The following L3MBTL4 variants were observed in gnomAD, a reference collection of about 807,000 sequenced individuals.
L3MBTL4 encodes the protein lethal(3)malignant brain tumor-like protein 4.
In L3MBTL4, 70 loss-of-function variants were observed where a neutral mutation model predicts 84.5. The ratio of observed to expected loss-of-function variants is 0.83; its 90% confidence interval spans 0.68 to 1.01. The LOEUF (loss-of-function observed/expected upper bound fraction) is 1.01, where lower values mean the gene tolerates loss of function less well. Among genes scored for constraint, L3MBTL4 ranks in the 50% least tolerant of loss-of-function variants. L3MBTL4 has a pLI of 0.00. For missense variants in L3MBTL4, 715 were observed against 754.8 expected (o/e 0.95, Z 0.62); for synonymous variants, 274 against 259.8 (o/e 1.05, Z -0.52).
chr18:6,033,106 G>A (rs2055919730), intron 16 of L3MBTL4, among the ~76,000 whole-genome samples: 1 of 152,052 alleles, frequency 6.6e-6, no homozygotes, highest in Non-Finnish European at 1.5e-5. Flanking sequence ...CCATATAACT[G>A]TCTACTTCTC....
At chr18:6,337,910 A>C (rs1200225364) in intron 1 of L3MBTL4, among the ~76,000 whole-genome samples, 3 of 152,106 alleles carry the variant, frequency 2.0e-5, no homozygotes, top group Non-Finnish European at 4.4e-5. Context: ...AGGAAGGAGA[A>C]GGGAATACAT....
intron 14 of L3MBTL4, among the ~76,000 whole-genome samples, chr18:6,094,612 G>T (rs2058570441): frequency 6.6e-6 from 1 of 152,068 alleles, no homozygotes; most frequent in Non-Finnish European, 1.5e-5. Flanking sequence ...CTATGAATTT[G>T]CTGATACATA....
chr18:6,206,349 A>C (rs1412637811), intron 12 of L3MBTL4, among the ~76,000 whole-genome samples: 1 of 152,236 alleles, frequency 6.6e-6, no homozygotes, highest in Non-Finnish European at 1.5e-5. Context: ...TTATTTAAGA[A>C]GTTTCTACAC....
intron 16 of L3MBTL4, among the ~76,000 whole-genome samples, chr18:6,051,367 C>T (rs535514118): frequency 1.1e-4 from 16 of 152,160 alleles, no homozygotes; most frequent in Non-Finnish European, 1.6e-4. Flanking sequence ...GGTGAAACCC[C>T]GTCTCTACTA....
chr18:6,016,860 G>A (rs569214492), intron 16 of L3MBTL4, among the ~76,000 whole-genome samples: 3 of 152,334 alleles, frequency 2.0e-5, no homozygotes, highest in East Asian at 3.9e-4. Flanking sequence ...CAGAGGGCAG[G>A]GGTGCAGCAG....
chr18:6,202,690 A>G (rs1452435952), intron 12 of L3MBTL4, among the ~76,000 whole-genome samples: 1 of 152,122 alleles, frequency 6.6e-6, no homozygotes, highest in Non-Finnish European at 1.5e-5. Context: ...AGATGGGTAG[A>G]CTGTAAGAAT....
chr18:6,188,692 A>C (rs1338617896), intron 12 of L3MBTL4, among the ~76,000 whole-genome samples: 1 of 152,178 alleles, frequency 6.6e-6, no homozygotes, highest in African/African-American at 2.4e-5. Flanking sequence ...AGTTTTCAGA[A>C]GCCATAGGGG....
chr18:6,298,725 T>A (rs138120370), intron 4 of L3MBTL4, among the ~76,000 whole-genome samples: 1 of 151,920 alleles, frequency 6.6e-6, no homozygotes, highest in Non-Finnish European at 1.5e-5. Context: ...ATACAAAAAA[T>A]TAGCCAGGCG....
In L3MBTL4 at chr18:6,172,018, C is replaced by T. The variant is rs111855923; in HGVS notation, c.982-76G>A. On this transcript the variant is annotated intron_variant, in intron 12 of 18. Coordinates refer to ENST00000317931, the MANE Select transcript of L3MBTL4 (RefSeq NM_001330559.2). The stretch of plus-strand genomic sequence containing the variant: ...ATTCCTGTATCAAAATATTTGAATA[C>T]AGATGTCTGAAGCTGAGATTGAAAT... 3.3e-3 allele frequency: 2,195 copies of T among 668,992 alleles called. 36 individuals are homozygous for T. The African/African-American group carries it at 0.036, about 11-fold the overall frequency. The allele number at this position is 668,992 out of a possible 1,614,324, so 41.4% of individuals were successfully genotyped here. A position where few individuals can be genotyped will look rare whatever the true frequency, so the allele number is the denominator to read the frequency against.
intron 1 of L3MBTL4, among the ~76,000 whole-genome samples, chr18:6,336,769 TCAAAGCCTAG>T (rs2052360105): frequency 6.6e-6 from 1 of 152,194 alleles, no homozygotes; most frequent in Non-Finnish European, 1.5e-5. Context: ...CTTTTTATAC[TCAAAGCCTAG>T]CATTCAATAA....
chr18:6,277,132 T>G (rs2049115562), intron 4 of L3MBTL4, among the ~76,000 whole-genome samples: 1 of 112,970 alleles, frequency 8.9e-6, no homozygotes. Flanking sequence ...CTCTGGGGAC[T>G]GTTGTGGGGT....
intron 14 of L3MBTL4, among the ~76,000 whole-genome samples, chr18:6,095,066 C>A (rs543663600): frequency 6.2e-4 from 94 of 152,246 alleles, no homozygotes; most frequent in African/African-American, 2.3e-3. Flanking sequence ...TTAAGACATA[C>A]GTACCAAAAA....
intron 1 of L3MBTL4, among the ~76,000 whole-genome samples, chr18:6,343,888 TG>T (rs565350414): frequency 1.8e-4 from 27 of 151,482 alleles, no homozygotes; most frequent in Non-Finnish European, 2.6e-4. Flanking sequence ...TTAAAACTTA[TG>T]GGAGGCAGCA....
At chr18:6,259,198 G>C (rs974275083) in intron 5 of L3MBTL4, 2 of 152,206 alleles carry the variant, frequency 1.3e-5, no homozygotes, top group Admixed American at 6.5e-5. Context: ...ATTTGGGAGA[G>C]AGACAACCCA....
chr18:6,332,950 G>A (rs2143212737), intron 1 of L3MBTL4, among the ~76,000 whole-genome samples: 1 of 152,294 alleles, frequency 6.6e-6, no homozygotes, highest in Admixed American at 6.5e-5. Flanking sequence ...CACTGAGAAA[G>A]ATTTGGATTG....
intron 14 of L3MBTL4, among the ~76,000 whole-genome samples, chr18:6,133,472 G>A (rs1273930732): frequency 6.6e-6 from 1 of 151,950 alleles, no homozygotes; most frequent in Non-Finnish European, 1.5e-5. Flanking sequence ...GCTAATACAG[G>A]GCACCCTCCT....
intron 16 of L3MBTL4, among the ~76,000 whole-genome samples, chr18:6,078,112 CAAA>C (rs533262168): frequency 2.2e-4 from 20 of 91,856 alleles, no homozygotes; most frequent in African/African-American, 4.8e-4. Context: ...ATGCCCAGAC[CAAA>C]AAAAAAAAAA....
chr18:6,323,589 T>C (rs925716778), intron 1 of L3MBTL4, among the ~76,000 whole-genome samples: 1 of 152,206 alleles, frequency 6.6e-6, no homozygotes, highest in African/African-American at 2.4e-5. Context: ...GAGGTATGAC[T>C]TAGGGTATCT....
At chr18:5,991,587 G>C (rs515938) in intron 16 of L3MBTL4, among the ~76,000 whole-genome samples, 89,038 of 151,998 alleles carry the variant, frequency 0.59, 27,248 homozygotes, top group East Asian at 0.91. Context: ...TAACTAGAGC[G>C]AGGAAAGAGG....
Sources: gnomAD v4.1 joint callset for allele counts (sites outside exome capture counted in the v4.1 genomes callset) on GRCh38, gnomAD v4.1.1 for gene constraint, MANE v1.5 for transcripts, NCBI Gene and HGNC (gene_info 2026-07-23, HGNC 2026-07-21) for gene names.